Variants in RARB observed in about 807,000 individuals in gnomAD.
RARB encodes the protein HBV-activated protein.
RARB carries 17 observed loss-of-function variants against 51.9 expected under a neutral mutation model. That is an observed-to-expected ratio of 0.33 (90% CI 0.22 to 0.49). The LOEUF (loss-of-function observed/expected upper bound fraction) is 0.49. RARB is among the 20% of genes least tolerant of loss of function. The pLI is 0.99. For synonymous variants in RARB, 215 were observed against 195.4 expected, an observed-to-expected ratio of 1.10 and a Z score of -0.84; for missense variants, 369 against 550.8, an observed-to-expected ratio of 0.67 and a Z score of 3.30.
At chr3:24,964,133 C>T (rs2125413336) in intron 2 of RARB, among the ~76,000 whole-genome samples, 1 of 151,660 alleles carries the variant, frequency 6.6e-6, no homozygotes, top group East Asian at 1.9e-4. Context: ...TTGATTTCCA[C>T]CCCCCCACCC....
At chr3:25,459,452 A>G (rs1695064578) in intron 1 of RARB, among the ~76,000 whole-genome samples, 1 of 152,192 alleles carries the variant, frequency 6.6e-6, no homozygotes, top group Non-Finnish European at 1.5e-5. Context: ...AAGGAGTTTG[A>G]CTTTGATCTA....
At position 25,482,521 on chromosome 3, in the gene RARB, A is replaced by ATTTTTTTTTTTTTTTT. The variant is rs71087718; in HGVS notation, c.307-18640_307-18625dup. Among the ~76,000 whole-genome samples, 23 of 65,788 alleles carry ATTTTTTTTTTTTTTTT rather than the reference A, an allele frequency of 3.5e-4. 3 individuals are homozygous for ATTTTTTTTTTTTTTTT. The highest frequency in any genetic ancestry group is 1.3e-3 in the African/African-American group (19 of 14,282). The allele number at this position is 65,788 out of a possible 152,430, so 43.2% of individuals were successfully genotyped here. A position where few individuals can be genotyped will look rare whatever the true frequency, so the allele number is the denominator to read the frequency against. On this transcript the variant is annotated intron_variant, in intron 2 of 7. Transcript: ENST00000330688. The stretch of plus-strand genomic sequence containing the variant: ...TAACTTTAAATTTTCTAGCAGCCAA[A>ATTTTTTTTTTTTTTTT]TTTTTTTTTTTTTTTTTTTTTTTTT...
chr3:25,337,748 C>T (rs1705105408), intron 5 of RARB, among the ~76,000 whole-genome samples: 2 of 152,076 alleles, frequency 1.3e-5, no homozygotes, highest in South Asian at 4.2e-4. Context: ...TTGTGTGCAG[C>T]ACTATTACCT....
intron 5 of RARB, among the ~76,000 whole-genome samples, chr3:25,391,019 G>A (rs1057358668): frequency 1.1e-4 from 17 of 152,160 alleles, no homozygotes; most frequent in Non-Finnish European, 1.9e-4. Context: ...CACACTGTTC[G>A]CAATGTGAAA....
At chr3:24,916,706 A>T (rs1695113708) in intron 2 of RARB, among the ~76,000 whole-genome samples, 1 of 151,826 alleles carries the variant, frequency 6.6e-6, no homozygotes, top group Non-Finnish European at 1.5e-5. Context: ...GCAGTTTCTT[A>T]TAAAATTAAA....
chr3:25,489,620 G>T (rs11706727), intron 2 of RARB, among the ~76,000 whole-genome samples: 1 of 47,012 alleles, frequency 2.1e-5, no homozygotes, highest in Non-Finnish European at 8.0e-5. Context: ...CACTGTTGTA[G>T]AGAGAATGTT....
chr3:25,296,619 A>C (rs1703920867), intron 5 of RARB, among the ~76,000 whole-genome samples: 1 of 152,214 alleles, frequency 6.6e-6, no homozygotes, highest in Admixed American at 6.5e-5. Context: ...GCAGAGAAAG[A>C]ATGAAATTAT....
intron 2 of RARB, among the ~76,000 whole-genome samples, chr3:24,955,204 G>A (rs1362714495): frequency 2.0e-5 from 3 of 152,316 alleles, no homozygotes; most frequent in African/African-American, 7.2e-5. Flanking sequence ...GGTGTAAGAA[G>A]AAGGTAAAGC....
chr3:24,844,841 G>C (rs945919237), intron 1 of RARB, among the ~76,000 whole-genome samples: 1 of 152,080 alleles, frequency 6.6e-6, no homozygotes, highest in Non-Finnish European at 1.5e-5. Flanking sequence ...CTGCTCCCCA[G>C]GTCTGTCTTG....
intron 2 of RARB, among the ~76,000 whole-genome samples, chr3:24,940,614 C>T (rs1000699175): frequency 1.4e-4 from 21 of 152,236 alleles, no homozygotes; most frequent in African/African-American, 4.8e-4. Flanking sequence ...GGGTACCCTC[C>T]TTTAGCTGGA....
intron 3 of RARB, among the ~76,000 whole-genome samples, chr3:25,118,649 C>T (rs1403188067): frequency 6.6e-6 from 1 of 151,904 alleles, no homozygotes; most frequent in Non-Finnish European, 1.5e-5. Context: ...AAGCCATGTG[C>T]TTTTTCAGCC....
intron 5 of RARB, among the ~76,000 whole-genome samples, chr3:25,244,457 A>C (rs1702507897): frequency 6.6e-6 from 1 of 152,156 alleles, no homozygotes; most frequent in Non-Finnish European, 1.5e-5. Flanking sequence ...TTAGTGTTAC[A>C]AATTTCCCTC....
At chr3:25,323,779 G>C (rs1193818870) in intron 5 of RARB, among the ~76,000 whole-genome samples, 2 of 152,156 alleles carry the variant, frequency 1.3e-5, no homozygotes, top group Non-Finnish European at 2.9e-5. Context: ...TAAAATGGAT[G>C]AACATAGGGA....
At chr3:24,831,986 A>T (rs977769827) in intron 1 of RARB, among the ~76,000 whole-genome samples, 1 of 152,222 alleles carries the variant, frequency 6.6e-6, no homozygotes, top group Non-Finnish European at 1.5e-5. Context: ...AGAAGTTCAA[A>T]ACAAAATTAT....
chr3:25,427,083 T>G (rs1184742041), upstream of RARB, among the ~76,000 whole-genome samples: 4 of 152,166 alleles, frequency 2.6e-5, no homozygotes, highest in Admixed American at 2.6e-4. Context: ...GGGATGTGTG[T>G]AGGTGTATGA....
intron 2 of RARB, among the ~76,000 whole-genome samples, chr3:24,964,866 C>A (rs1696220168): frequency 6.6e-6 from 1 of 152,084 alleles, no homozygotes; most frequent in African/African-American, 2.4e-5. Flanking sequence ...TATTGGGTAC[C>A]CTCAGGCTGG....
At position 25,482,021 on chromosome 3, in the gene RARB, G is replaced by A. The variant is rs142012537; in HGVS notation, c.307-19161G>A. Among the ~76,000 whole-genome samples, 59 of 152,274 alleles carry A rather than the reference G, an allele frequency of 3.9e-4. 1 individual carries two copies. The East Asian group carries it at 8.7e-3, about 22-fold the overall frequency. ...ACACAGCTAATAACAGGCAGAGGCC[G>A]AACTTGAACCTAGGGTATCTGGCAG... On this transcript the variant is annotated intron_variant, in intron 2 of 7. Coordinates refer to ENST00000330688, the MANE Select transcript of RARB (RefSeq NM_000965.5).
At position 25,597,415 on chromosome 3, in the gene RARB, TAAAA is replaced by T. The variant is rs1167076440; in HGVS notation, c.*804_*807del. 6.9e-6 allele frequency: 1 copy of T among 145,094 alleles called. No individual in the cohort carries two copies. Among genetic ancestry groups the T allele is most frequent in the African/African-American group, 2.6e-5 (1 of 38,970 alleles). The allele number at this position is 145,094 out of a possible 1,614,324, so 9.0% of individuals were successfully genotyped here. A position where few individuals can be genotyped will look rare whatever the true frequency, so the allele number is the denominator to read the frequency against. ...TTAATGACATAACTACACAGTTAGTTAAAAAAAATTTTTTTACAGTAATGATAGC... is the reference window on the plus strand; with the variant it reads ...TTAATGACATAACTACACAGTTAGTTAAAATTTTTTTACAGTAATGATAGC... On this transcript the variant is annotated 3_prime_UTR_variant, in exon 8 of 8. Transcript: ENST00000330688.
intron 5 of RARB, among the ~76,000 whole-genome samples, chr3:25,294,822 G>C (rs952281182): frequency 1.3e-5 from 2 of 152,246 alleles, no homozygotes; most frequent in East Asian, 1.9e-4. Context: ...GGGAGTGGAG[G>C]GGGGAAGGAA....
Sources: allele counts gnomAD v4.1 joint callset (sites outside exome capture counted in the v4.1 genomes callset), GRCh38; gene constraint gnomAD v4.1.1; transcripts MANE v1.5; gene names NCBI Gene and HGNC (gene_info 2026-07-23, HGNC 2026-07-21).